Variants in GPD2 observed in about 807,000 individuals in gnomAD.
The protein encoded by GPD2 is glycerol-3-phosphate dehydrogenase, mitochondrial.
Under a neutral mutation model 82.4 loss-of-function variants are expected in GPD2, and 54 were observed. The ratio of observed to expected loss-of-function variants is 0.66; its 90% CI spans 0.53 to 0.82. The LOEUF is 0.82. Ranked by LOEUF, GPD2 falls within the 40% of genes least tolerant of loss-of-function variation. The pLI, the probability that GPD2 is intolerant of heterozygous loss-of-function variation, is 0.00. For missense variants in GPD2, 748 were observed against 896.2 expected (o/e 0.83, Z 2.11); for synonymous variants, 288 against 306.1 (o/e 0.94, Z 0.62).
chr2:156,471,605 A>G (rs1201157945), intron 1 of GPD2, among the ~76,000 whole-genome samples: 3 of 152,078 alleles, frequency 2.0e-5, no homozygotes, highest in African/African-American at 7.2e-5. Context: ...CTTTCTCTAT[A>G]ACGTTCCCTA....
At chr2:156,410,376 G>T in the GPD2 span, among the ~76,000 whole-genome samples, 1 of 152,150 alleles carries the variant, frequency 6.6e-6, no homozygotes, top group Non-Finnish European at 1.5e-5. Flanking sequence ...ATAACACAAA[G>T]CAAGGAGGAC....
intron 6 of GPD2, among the ~76,000 whole-genome samples, chr2:156,532,257 T>C (rs1366927132): frequency 6.6e-6 from 1 of 152,228 alleles, no homozygotes; most frequent in Non-Finnish European, 1.5e-5. Flanking sequence ...TCCTCTCACC[T>C]TGGCCTCCCA....
intron 1 of GPD2, among the ~76,000 whole-genome samples, chr2:156,439,849 AAAATAAAT>A (rs59142687): frequency 1.4e-5 from 2 of 147,544 alleles, no homozygotes; most frequent in Admixed American, 6.8e-5. Context: ...TCTGTCTCAA[AAAATAAAT>A]AAATAAATAA....
Position 156,535,173 on chromosome 2 carries a change from A to T in GPD2, c.662-14435A>T, listed in dbSNP as rs1558948036. On this transcript the variant is annotated intron_variant, in intron 6 of 16. Coordinates refer to ENST00000438166, the MANE Select transcript of GPD2 (RefSeq NM_000408.5). Reference sequence around the variant, plus strand: ...TCTCTAGGCAATGGGCATCCAGTGAATGCAAACAGCATTTGATACAGGTAC... The same window carrying T: ...TCTCTAGGCAATGGGCATCCAGTGATTGCAAACAGCATTTGATACAGGTAC... Among the ~76,000 whole-genome samples the T allele has an allele frequency of 2.0e-5, 3 of 152,172 alleles. No homozygotes were observed. In the East Asian group the frequency reaches 5.8e-4, roughly 29 times the overall value.
At chr2:156,567,918 T>G (rs1202926543) in intron 9 of GPD2, among the ~76,000 whole-genome samples, 1 of 152,168 alleles carries the variant, frequency 6.6e-6, no homozygotes, top group Non-Finnish European at 1.5e-5. Flanking sequence ...AAAGATATTT[T>G]CATGGCATCT....
At chr2:156,471,289 G>A (rs1391083177) in intron 1 of GPD2, among the ~76,000 whole-genome samples, 1 of 152,112 alleles carries the variant, frequency 6.6e-6, no homozygotes, top group Admixed American at 6.5e-5. Flanking sequence ...TCTCACATGG[G>A]ATCTATTTCA....
rs1682520758 is a variant in GPD2 at position 156,450,628 on chromosome 2, T to TA, written c.-9+14118dup. ...GAGGCTGGGACAAAGTTTATTGGATTAAATTGTGGAAGTGGAGACAGTTCT... is the reference window on the plus strand; with the variant it reads ...GAGGCTGGGACAAAGTTTATTGGATTAAAATTGTGGAAGTGGAGACAGTTCT... On this transcript the variant is annotated intron_variant, in intron 1 of 16. Transcript: ENST00000438166. 2.6e-5 allele frequency among the ~76,000 whole-genome samples: 4 copies of TA among 151,892 alleles called. 1 individual carries two copies. In the South Asian group the frequency reaches 8.3e-4, roughly 32 times the overall value.
At chr2:156,459,542 G>A (rs1489149310) in intron 1 of GPD2, among the ~76,000 whole-genome samples, 1 of 151,824 alleles carries the variant, frequency 6.6e-6, no homozygotes, top group Non-Finnish European at 1.5e-5. Flanking sequence ...ACAAAAATTA[G>A]CTGGGCATGG....
chr2:156,525,149 A>G (rs1050172896), intron 6 of GPD2, among the ~76,000 whole-genome samples: 9 of 152,190 alleles, frequency 5.9e-5, no homozygotes, highest in African/African-American at 1.2e-4. Context: ...ATGTAATGAG[A>G]TCTTTTTCTG....
intron 13 of GPD2, among the ~76,000 whole-genome samples, chr2:156,575,402 C>CTT (rs35297244): frequency 4.8e-4 from 44 of 91,170 alleles, no homozygotes; most frequent in African/African-American, 1.7e-3. Context: ...CTTTTCTTTT[C>CTT]TTTTTTTTTT....
intron 1 of GPD2, among the ~76,000 whole-genome samples, chr2:156,474,236 C>G (rs1195347876): frequency 2.0e-5 from 3 of 152,056 alleles, no homozygotes; most frequent in African/African-American, 7.2e-5. Flanking sequence ...CACCACATAT[C>G]AGTATATAAT....
At chr2:156,421,488 T>A in the GPD2 span, among the ~76,000 whole-genome samples, 1 of 152,208 alleles carries the variant, frequency 6.6e-6, no homozygotes, top group African/African-American at 2.4e-5. Flanking sequence ...GAAAATTCTG[T>A]CTGGTATGTG....
At chr2:156,517,267 T>G (rs1366785101) in intron 6 of GPD2, among the ~76,000 whole-genome samples, 2 of 152,320 alleles carry the variant, frequency 1.3e-5, no homozygotes, top group Non-Finnish European at 2.9e-5. Context: ...CCTTCATACT[T>G]TTTGATGTAG....
chr2:156,415,156 C>CCT, the GPD2 span, among the ~76,000 whole-genome samples: 2 of 114,620 alleles, frequency 1.7e-5, no homozygotes, highest in Admixed American at 2.1e-4. Context: ...TTGTATCATT[C>CCT]TTTTTTTTTT....
rs1050629156 is a variant in GPD2, at chr2:156,569,787, A to G, written c.1476+249A>G. Among the ~76,000 whole-genome samples the G allele has an allele frequency of 3.3e-5, 5 of 152,226 alleles. No individual in the cohort carries two copies. In the East Asian group the frequency reaches 9.7e-4, roughly 29 times the overall value. The stretch of plus-strand genomic sequence containing the variant: ...TTGGTTTGTTTCTAGTGTATAGGGC[A>G]TCCCAAATTCTGTCTCAGGCATGAA... On this transcript the variant is annotated intron_variant, in intron 11 of 16. Transcript: ENST00000438166.
chr2:156,529,362 C>T lies in GPD2; in HGVS notation c.661+15866C>T, dbSNP rs1303901812. ...AGCCCTTTGTCAGATGAGTAGGTTG[C>T]GAAAATTTTCTCCCATTTTGTAGGT... On this transcript the variant is annotated intron_variant, in intron 6 of 16. Coordinates refer to ENST00000438166, the MANE Select transcript of GPD2 (RefSeq NM_000408.5). 3.2e-3 allele frequency among the ~76,000 whole-genome samples: 438 copies of T among 137,620 alleles called. 2 individuals are homozygous for T. The highest frequency in any genetic ancestry group is 5.1e-3 in the Non-Finnish European group (323 of 63,168). The allele number at this position is 137,620 out of a possible 152,430, so 90.3% of individuals were successfully genotyped here. A position where few individuals can be genotyped will look rare whatever the true frequency, so the allele number is the denominator to read the frequency against.
chr2:156,431,660 T>C (rs1688317767), upstream of GPD2, among the ~76,000 whole-genome samples: 1 of 152,110 alleles, frequency 6.6e-6, no homozygotes, highest in Admixed American at 6.6e-5. Flanking sequence ...CCAAACCCTT[T>C]CAGTGGAATT....
At chr2:156,532,588 A>G (rs991678470) in intron 6 of GPD2, among the ~76,000 whole-genome samples, 3 of 152,172 alleles carry the variant, frequency 2.0e-5, no homozygotes, top group Admixed American at 6.5e-5. Context: ...ACAAATATTG[A>G]ACTTGAAATT....
chr2:156,563,847 A>G (rs1244186299), intron 9 of GPD2, among the ~76,000 whole-genome samples: 1 of 152,158 alleles, frequency 6.6e-6, no homozygotes, highest in Non-Finnish European at 1.5e-5. Context: ...GCCATCAGCC[A>G]CTTGTAGTTA....
Sources: gnomAD v4.1 joint callset for allele counts (sites outside exome capture counted in the v4.1 genomes callset) on GRCh38, gnomAD v4.1.1 for gene constraint, MANE v1.5 for transcripts, NCBI Gene and HGNC (gene_info 2026-07-23, HGNC 2026-07-21) for gene names.